Variants in SLC8A1 observed in about 807,000 individuals in gnomAD.
The protein encoded by SLC8A1 is sodium/calcium exchanger 1.
In SLC8A1, 18 loss-of-function variants were observed where a neutral mutation model predicts 68.3. The ratio of observed to expected loss-of-function variants is 0.26; its 90% CI spans 0.18 to 0.39. The LOEUF (loss-of-function observed/expected upper bound fraction) is 0.39. Ranked by LOEUF, SLC8A1 falls within the 10% of genes least tolerant of loss-of-function variation. SLC8A1 has a pLI of 1.00. For synonymous variants in SLC8A1, 475 were observed against 415.5 expected, an observed-to-expected ratio of 1.14 and a Z score of -1.74; for missense variants, 985 against 1,156.7, an observed-to-expected ratio of 0.85 and a Z score of 2.15.
intron 2 of SLC8A1, among the ~76,000 whole-genome samples, chr2:40,342,530 G>C (rs1193117193): frequency 3.3e-5 from 5 of 152,116 alleles, no homozygotes; most frequent in Non-Finnish European, 5.9e-5. Flanking sequence ...CGAGTAAGTA[G>C]TTAGAAACAA....
intron 2 of SLC8A1, among the ~76,000 whole-genome samples, chr2:40,226,569 C>T (rs1389002833): frequency 6.6e-6 from 1 of 152,108 alleles, no homozygotes; most frequent in East Asian, 1.9e-4. Context: ...ACTCAGGATT[C>T]TGGAAAGGGT....
intron 1 of SLC8A1, among the ~76,000 whole-genome samples, chr2:40,466,887 T>C (rs1559751161): frequency 6.6e-6 from 1 of 151,722 alleles, no homozygotes; most frequent in East Asian, 1.9e-4. Flanking sequence ...CATCAACTCA[T>C]TAGAAATAGC....
At chr2:40,387,360 T>A (rs1184416091) in intron 2 of SLC8A1, among the ~76,000 whole-genome samples, 1 of 151,426 alleles carries the variant, frequency 6.6e-6, no homozygotes, top group Non-Finnish European at 1.5e-5. Flanking sequence ...ATTGATATAT[T>A]CTATTCACAC....
intron 2 of SLC8A1, among the ~76,000 whole-genome samples, chr2:40,268,452 A>G (rs2065630881): frequency 6.6e-6 from 1 of 152,222 alleles, no homozygotes; most frequent in African/African-American, 2.4e-5. Context: ...AGGTCTACAA[A>G]TGGAAGAAAT....
chr2:40,383,380 T>G (rs1282597767), intron 2 of SLC8A1, among the ~76,000 whole-genome samples: 1 of 152,108 alleles, frequency 6.6e-6, no homozygotes, highest in Non-Finnish European at 1.5e-5. Flanking sequence ...CTTCGCCATG[T>G]TTATAAGAAA....
At chr2:40,274,444 G>C (rs917395420) in intron 2 of SLC8A1, among the ~76,000 whole-genome samples, 1 of 151,976 alleles carries the variant, frequency 6.6e-6, no homozygotes, top group African/African-American at 2.4e-5. Context: ...CCATGGAATG[G>C]GGCTGTCTCT....
chr2:40,447,603 A>AG (rs1415299963), intron 1 of SLC8A1, among the ~76,000 whole-genome samples: 1 of 152,012 alleles, frequency 6.6e-6, no homozygotes, highest in Non-Finnish European at 1.5e-5. Flanking sequence ...AAAAAAAAAA[A>AG]AAAAAGAAAG....
intron 1 of SLC8A1, among the ~76,000 whole-genome samples, chr2:40,469,499 T>A (rs1321075865): frequency 2.0e-5 from 3 of 152,200 alleles, no homozygotes; most frequent in Non-Finnish European, 4.4e-5. Context: ...GTTTTCTTCA[T>A]AAATTACTCA....
intron 6 of SLC8A1, among the ~76,000 whole-genome samples, chr2:40,155,026 A>T (rs1364279602): frequency 1.3e-5 from 2 of 152,212 alleles, no homozygotes; most frequent in Non-Finnish European, 2.9e-5. Flanking sequence ...TCACATAAGA[A>T]AAAGGGCAAA....
chr2:40,287,750 T>G (rs535375741), intron 2 of SLC8A1, among the ~76,000 whole-genome samples: 1 of 151,964 alleles, frequency 6.6e-6, no homozygotes, highest in African/African-American at 2.4e-5. Flanking sequence ...CATGGGGCTC[T>G]GCAAGCAGTG....
At chr2:40,240,193 T>A (rs564646788) in intron 2 of SLC8A1, among the ~76,000 whole-genome samples, 2 of 152,342 alleles carry the variant, frequency 1.3e-5, no homozygotes, top group Admixed American at 1.3e-4. Flanking sequence ...TGGGAAATGA[T>A]TATCCCTAGA....
At position 40,435,219 on chromosome 2, in the gene SLC8A1, T is replaced by C. The variant is rs528269413; in HGVS notation, c.-24-4915A>G. 1.6e-3 allele frequency among the ~76,000 whole-genome samples: 238 copies of C among 152,284 alleles called. 1 individual carries two copies. Among genetic ancestry groups the C allele is most frequent in the Non-Finnish European group, 2.7e-3 (185 of 68,022 alleles). On this transcript the variant is annotated intron_variant, in intron 1 of 7. Transcript: ENST00000406785. ...GACTGAAAGACTCAAAGCTAAGCAA[T>C]TAATCTGTTTCTAAGGCAACATTAA...
intron 2 of SLC8A1, among the ~76,000 whole-genome samples, chr2:40,408,987 A>C (rs17039007): frequency 3.3e-5 from 5 of 152,150 alleles, no homozygotes; most frequent in African/African-American, 9.7e-5. Context: ...GAATGAAAAA[A>C]GTTGTAACTA....
At chr2:40,493,880 T>C (rs1423519122) in intron 1 of SLC8A1, among the ~76,000 whole-genome samples, 3 of 151,936 alleles carry the variant, frequency 2.0e-5, no homozygotes, top group Non-Finnish European at 4.4e-5. Flanking sequence ...TTTCTTTTTC[T>C]CTCCCCAACA....
At chr2:40,206,219 C>T (rs188578591) in intron 2 of SLC8A1, among the ~76,000 whole-genome samples, 94 of 152,108 alleles carry the variant, frequency 6.2e-4, no homozygotes, top group Non-Finnish European at 5.9e-5. Flanking sequence ...TAAGCCTGTG[C>T]CATGACAAAT....
chr2:40,302,188 C>T (rs534525848), intron 2 of SLC8A1, among the ~76,000 whole-genome samples: 42 of 152,106 alleles, frequency 2.8e-4, no homozygotes, highest in African/African-American at 9.6e-4. Context: ...TGAGCCACTG[C>T]ACCCAGCCCC....
At chr2:40,413,551 C>G (rs1692852997) in intron 2 of SLC8A1, among the ~76,000 whole-genome samples, 1 of 152,110 alleles carries the variant, frequency 6.6e-6, no homozygotes, top group African/African-American at 2.4e-5. Context: ...AGGAGGAATT[C>G]AGAAGTTAAT....
chr2:40,240,716 C>G (rs1455712849), intron 2 of SLC8A1, among the ~76,000 whole-genome samples: 1 of 152,124 alleles, frequency 6.6e-6, no homozygotes, highest in Non-Finnish European at 1.5e-5. Context: ...GCACATTTTT[C>G]TAGTTTAAAA....
intron 2 of SLC8A1, among the ~76,000 whole-genome samples, chr2:40,200,959 C>A (rs141507404): frequency 6.6e-6 from 1 of 151,664 alleles, no homozygotes; most frequent in Non-Finnish European, 1.5e-5. Context: ...GCTAACATTT[C>A]TTTATTTCCA....
Sources: allele counts gnomAD v4.1 joint callset (sites outside exome capture counted in the v4.1 genomes callset), GRCh38; gene constraint gnomAD v4.1.1; transcripts MANE v1.5; gene names NCBI Gene and HGNC (gene_info 2026-07-23, HGNC 2026-07-21).